MGA: variants seen among roughly 807,000 people sequenced by gnomAD.
MGA encodes the protein MAX gene-associated protein.
MGA carries 40 observed loss-of-function variants against 261.1 expected under a neutral mutation model. That is an observed-to-expected ratio of 0.15 (90% confidence interval 0.12 to 0.20). The LOEUF (loss-of-function observed/expected upper bound fraction) is 0.20. Ranked by LOEUF, MGA falls within the 10% of genes least tolerant of loss-of-function variation. The pLI, the probability that MGA is intolerant of heterozygous loss-of-function variation, is 1.00. For synonymous variants in MGA, 1,302 were observed against 1,290.6 expected (o/e 1.01, Z -0.19); for missense variants, 3,397 against 3,630.5 (o/e 0.94, Z 1.65).
At chr15:41,684,724 T>C (rs182727075) in intron 2 of MGA, 2 of 166,466 alleles carry the variant, frequency 1.2e-5, no homozygotes, top group East Asian at 3.4e-4. Flanking sequence ...TGTGAAGATA[T>C]CGAGAGAAAA....
At chr15:41,763,204 A>G (rs1022122475) in intron 22 of MGA, among the ~76,000 whole-genome samples, 6 of 138,594 alleles carry the variant, frequency 4.3e-5, no homozygotes, top group African/African-American at 1.6e-4. Context: ...GGTTCATGCC[A>G]TTCTCCTGCC....
intron 1 of MGA, among the ~76,000 whole-genome samples, chr15:41,638,060 T>TTG (rs2056745030): frequency 1.6e-4 from 16 of 98,910 alleles, no homozygotes; most frequent in African/African-American, 4.9e-4. Flanking sequence ...TTTTTTTTTT[T>TTG]GGGACACAGT....
At chr15:41,716,778 G>GT (rs1376653516) in intron 9 of MGA, among the ~76,000 whole-genome samples, 1 of 151,894 alleles carries the variant, frequency 6.6e-6, no homozygotes, top group Non-Finnish European at 1.5e-5. Flanking sequence ...TGGAAGACTT[G>GT]TTTCTTTTTA....
chr15:41,659,461 C>T (rs1259011717), upstream of MGA, among the ~76,000 whole-genome samples: 1 of 152,192 alleles, frequency 6.6e-6, no homozygotes. Flanking sequence ...ATCTGCTCTC[C>T]TACTCCCTAC....
Position 41,736,324 on chromosome 15 carries a change from A to G in MGA, c.4060A>G (p.Ile1354Val), listed in dbSNP as rs1451152887. The G allele has an allele frequency of 6.2e-7, 1 of 1,613,918 alleles. No homozygotes were observed. The highest frequency in any genetic ancestry group is 1.3e-5 in the African/African-American group (1 of 74,928). The stretch of plus-strand genomic sequence containing the variant: ...GGAAGATCGGAACAAGATTTTGAGC[A>G]TCTTATCCCAGCACATCAATAGCAA... Residue 1354 changes from isoleucine to valine, a missense_variant, in exon 13 of 24, where the codon ATC (isoleucine) becomes GTC (valine). Physicochemically the swap from Ile to Val is conservative, Grantham distance 29. Transcript: ENST00000219905.
intron 1 of MGA, among the ~76,000 whole-genome samples, chr15:41,634,979 AG>A (rs2056670107): frequency 6.6e-6 from 1 of 152,032 alleles, no homozygotes; most frequent in Admixed American, 6.6e-5. Context: ...AAGAACACTT[AG>A]GAGATTATTA....
At chr15:41,707,634 C>G (rs1323541668) in intron 5 of MGA, 94 bp from the exon 6 acceptor site, 1 of 1,202,728 alleles carries the variant, frequency 8.3e-7, no homozygotes, top group Non-Finnish European at 1.1e-6. Flanking sequence ...ACCTTACCCC[C>G]CCGCCATCTC....
At chr15:41,753,152 G>GTAAT (rs1286936519) in intron 17 of MGA, among the ~76,000 whole-genome samples, 2 of 152,168 alleles carry the variant, frequency 1.3e-5, no homozygotes, top group Non-Finnish European at 2.9e-5. Flanking sequence ...GCTCTCGCCT[G>GTAAT]TAATTCCAAC....
intron 2 of MGA, among the ~76,000 whole-genome samples, chr15:41,687,475 T>G (rs1406414073): frequency 1.3e-5 from 2 of 152,174 alleles, no homozygotes; most frequent in Non-Finnish European, 2.9e-5. Context: ...CTGTATGGAA[T>G]GCAAAGCCTA....
chr15:41,665,475 C>T (rs1595615674), intron 1 of MGA, among the ~76,000 whole-genome samples: 1 of 151,836 alleles, frequency 6.6e-6, no homozygotes, highest in Admixed American at 6.6e-5. Flanking sequence ...CAGCCTTGGC[C>T]TCCCCACCCC....
At chr15:41,674,052 C>T (rs1486156022) in intron 2 of MGA, among the ~76,000 whole-genome samples, 4 of 151,712 alleles carry the variant, frequency 2.6e-5, no homozygotes, top group African/African-American at 4.8e-5. Flanking sequence ...CTACCACACC[C>T]GGCTAATTTT....
At chr15:41,709,154 C>T (rs2060259839) in intron 7 of MGA, among the ~76,000 whole-genome samples, 1 of 152,000 alleles carries the variant, frequency 6.6e-6, no homozygotes, top group South Asian at 2.1e-4. Flanking sequence ...CGAGACCAGC[C>T]TGGGCAACAT....
At position 41,743,125 on chromosome 15, in the gene MGA, T is replaced by A. The variant is rs2062211926; in HGVS notation, c.5165T>A (p.Ile1722Asn). The change falls in exon 15 of 24, where the codon ATT (isoleucine) becomes AAT (asparagine). Residue 1722 changes from isoleucine to asparagine, a missense_variant. By Grantham distance (149) the Ile-to-Asn change is moderately radical. Around this residue, in one of 9 missense-constraint regions of MGA, gnomAD observed 1,410 missense variants for 1,386.4 expected, o/e 1.02. Coordinates refer to ENST00000219905, the MANE Select transcript of MGA (RefSeq NM_001164273.2). ...ACTTCATCTCTGGGCTCTGTTCCTA[T>A]TATACTCTCAGGAATTAATGGGAGT... 1 of 1,613,318 alleles carries A rather than the reference T, an allele frequency of 6.2e-7. No homozygotes were observed. Among genetic ancestry groups the A allele is most frequent in the Non-Finnish European group, 8.5e-7 (1 of 1,179,566 alleles).
intron 2 of MGA, among the ~76,000 whole-genome samples, chr15:41,676,522 C>T (rs1321465694): frequency 3.3e-5 from 5 of 152,174 alleles, no homozygotes; most frequent in African/African-American, 4.8e-5. Flanking sequence ...AACAGTTTTA[C>T]AAAAATACTG....
At chr15:41,691,610 G>T in intron 2 of MGA, 3 of 516,820 alleles carry the variant, frequency 5.8e-6, no homozygotes, top group Non-Finnish European at 1.2e-5. Flanking sequence ...TTATTTGAGA[G>T]CTGAGGAGTA....
At chr15:41,699,248 C>CT (rs1250082527) in intron 5 of MGA, 89 bp downstream of exon 5, 8 of 857,400 alleles carry the variant, frequency 9.3e-6, no homozygotes, top group Admixed American at 3.5e-5. Context: ...TTTCTCATCT[C>CT]TTTTTTTCTG....
In MGA at chr15:41,750,451, C is replaced by G. The variant is rs373314951; in HGVS notation, c.6844C>G (p.Gln2282Glu). ...CTTACTGCTACCTGGAGAACAGATA[C>G]AACCAAAGCAAGAGAAGAAGGGTGG... is the stretch of plus-strand genomic sequence containing the variant. The change falls in exon 17 of 24, where the codon CAA becomes GAA. Residue 2282 changes from glutamine (Q) to glutamate (E), a missense_variant. Physicochemically the swap from Gln to Glu is conservative, Grantham distance 29. This residue lies in a region of MGA where 1,410 missense variants were observed against 1,386.4 expected (regional missense o/e 1.02). Coordinates refer to ENST00000219905, the MANE Select transcript of MGA (RefSeq NM_001164273.2). 44 of 1,613,830 alleles carry G rather than the reference C, an allele frequency of 2.7e-5. No homozygotes were observed. The highest frequency in any genetic ancestry group is 3.5e-5 in the Non-Finnish European group (41 of 1,179,892).
At chr15:41,737,328 T>G (rs1334525345) in intron 13 of MGA, among the ~76,000 whole-genome samples, 1 of 151,674 alleles carries the variant, frequency 6.6e-6, no homozygotes, top group Non-Finnish European at 1.5e-5. Context: ...GTTTTTGTTT[T>G]TTTTTTAGTA....
At chr15:41,653,711 C>CT (rs2150737196) in intron 1 of MGA, among the ~76,000 whole-genome samples, 1 of 139,436 alleles carries the variant, frequency 7.2e-6, no homozygotes, top group South Asian at 2.3e-4. Context: ...GACCCCATCT[C>CT]TTAAAAAAAA....
Sources: gnomAD v4.1 joint callset for allele counts (sites outside exome capture counted in the v4.1 genomes callset) on GRCh38, gnomAD v4.1.1 for gene constraint, gnomAD v4.1.1 regional missense constraint, MANE v1.5 for transcripts, NCBI Gene and HGNC (gene_info 2026-07-23, HGNC 2026-07-21) for gene names.